The following IQCM variants were observed in gnomAD, a reference collection of about 807,000 sequenced individuals.
IQCM encodes the protein IQ domain-containing protein M.
Under a neutral mutation model 57.6 loss-of-function variants are expected in IQCM, and 45 were observed. The observed-to-expected ratio is 0.78, with a 90% CI of 0.62 to 1.00. The LOEUF (loss-of-function observed/expected upper bound fraction) is 1.00, where lower values mean the gene tolerates loss of function less well. IQCM is among the 50% of genes least tolerant of loss of function. IQCM has a pLI of 0.00. For missense variants in IQCM, 468 were observed against 511.6 expected (o/e 0.91, Z 0.82); for synonymous variants, 148 against 158.9 (o/e 0.93, Z 0.51).
At chr4:149,726,705 A>C (rs927404779) in intron 5 of IQCM, among the ~76,000 whole-genome samples, 4 of 152,214 alleles carry the variant, frequency 2.6e-5, no homozygotes, top group African/African-American at 9.6e-5. Context: ...AAGCATCACT[A>C]TAAGTAAAAT....
In IQCM at chr4:149,785,122, G is replaced by A. The variant is rs144407936; in HGVS notation, c.-49+30189C>T. On this transcript the variant is annotated intron_variant, in intron 2 of 13. Transcript: ENST00000636793. ...AGATGCTAACTTCCTGATTCCTTAC[G>A]ATCTAGGCAGGAAAAATAATAACTT... Among the ~76,000 whole-genome samples the A allele has an allele frequency of 5.3e-5, 8 of 152,230 alleles. No individual in the cohort carries two copies. The East Asian group carries it at 1.2e-3, about 22-fold the overall frequency.
chr4:149,486,609 G>A (rs1274776011), intron 12 of IQCM, among the ~76,000 whole-genome samples: 1 of 152,140 alleles, frequency 6.6e-6, no homozygotes, highest in Non-Finnish European at 1.5e-5. Flanking sequence ...AGCCAGGTGT[G>A]GTGGTGTGCA....
intron 5 of IQCM, among the ~76,000 whole-genome samples, chr4:149,692,517 C>G (rs955454088): frequency 6.6e-6 from 1 of 152,010 alleles, no homozygotes; most frequent in Non-Finnish European, 1.5e-5. Flanking sequence ...CTGTTAAATA[C>G]TTTGGGTATA....
intron 13 of IQCM, among the ~76,000 whole-genome samples, chr4:149,364,244 T>G (rs1240098205): frequency 6.6e-6 from 1 of 152,164 alleles, no homozygotes; most frequent in Non-Finnish European, 1.5e-5. Flanking sequence ...CATATTGTTT[T>G]GGGGAAAATC....
chr4:149,699,881 C>T lies in IQCM; in HGVS notation c.386-13413G>A, dbSNP rs550604978. Among the ~76,000 whole-genome samples the T allele has an allele frequency of 5.2e-4, 79 of 151,910 alleles. 2 individuals carry two copies. Among genetic ancestry groups the T allele is most frequent in the African/African-American group, 1.8e-3 (75 of 41,470 alleles). ...TTTGCATTTACAAAGCACTTGCTTTCCCTCCCCTTCTGTCTTTCCCTCTAT... is the reference window on the plus strand; with the variant it reads ...TTTGCATTTACAAAGCACTTGCTTTTCCTCCCCTTCTGTCTTTCCCTCTAT... On this transcript the variant is annotated intron_variant, in intron 5 of 13. Coordinates refer to ENST00000636793, the MANE Select transcript of IQCM (RefSeq NM_001363507.2).
intron 8 of IQCM, among the ~76,000 whole-genome samples, chr4:149,594,619 T>G (rs1579626122): frequency 6.6e-6 from 1 of 152,228 alleles, no homozygotes; most frequent in South Asian, 2.1e-4. Context: ...CTCTACAAAC[T>G]GCTTTAAATG....
intron 9 of IQCM, among the ~76,000 whole-genome samples, chr4:149,576,278 A>G (rs1751640625): frequency 6.6e-6 from 1 of 151,230 alleles, no homozygotes; most frequent in Non-Finnish European, 1.5e-5. Flanking sequence ...CCCAAAAAGT[A>G]GTTTTTTGAT....
chr4:149,474,075 G>A (rs1739901583), intron 12 of IQCM, among the ~76,000 whole-genome samples: 1 of 151,672 alleles, frequency 6.6e-6, no homozygotes, highest in South Asian at 2.1e-4. Context: ...GTATACATAT[G>A]TAACAAACCT....
At chr4:149,477,036 C>G (rs745502216) in intron 12 of IQCM, among the ~76,000 whole-genome samples, 4 of 152,174 alleles carry the variant, frequency 2.6e-5, no homozygotes, top group Non-Finnish European at 5.9e-5. Flanking sequence ...ACGCCATCAG[C>G]ACTGTCCTGT....
chr4:149,798,579 A>G (rs544887238), intron 2 of IQCM, among the ~76,000 whole-genome samples: 1 of 151,980 alleles, frequency 6.6e-6, no homozygotes, highest in Non-Finnish European at 1.5e-5. Context: ...AATAAGACCC[A>G]TTATCTGTTG....
intron 12 of IQCM, among the ~76,000 whole-genome samples, chr4:149,536,187 G>T (rs1747271847): frequency 6.6e-6 from 1 of 152,024 alleles, no homozygotes; most frequent in Non-Finnish European, 1.5e-5. Context: ...AATCTAATTT[G>T]CATTGTATAT....
intron 10 of IQCM, among the ~76,000 whole-genome samples, chr4:149,556,346 G>A (rs953568069): frequency 4.7e-5 from 7 of 149,192 alleles, no homozygotes; most frequent in East Asian, 2.0e-4. Context: ...GGAGAATTCC[G>A]CCATCACATG....
chr4:149,734,091 G>A (rs1265106346), intron 4 of IQCM, among the ~76,000 whole-genome samples: 1 of 151,950 alleles, frequency 6.6e-6, no homozygotes, highest in African/African-American at 2.4e-5. Flanking sequence ...CCAGGTCTCT[G>A]ACAGGTAATT....
At chr4:149,685,885 CA>C (rs1359242852) in intron 6 of IQCM, among the ~76,000 whole-genome samples, 1 of 151,402 alleles carries the variant, frequency 6.6e-6, no homozygotes, top group Non-Finnish European at 1.5e-5. Context: ...GGAACTGACC[CA>C]TCTCCAGACA....
chr4:149,415,516 C>T (rs899118221), intron 13 of IQCM, among the ~76,000 whole-genome samples: 2 of 152,104 alleles, frequency 1.3e-5, no homozygotes, highest in African/African-American at 4.8e-5. Flanking sequence ...GCAGGAACAT[C>T]CTTGCTAGAA....
At chr4:149,739,467 ATT>A (rs5862894) in intron 3 of IQCM, among the ~76,000 whole-genome samples, 3,791 of 124,892 alleles carry the variant, frequency 0.03, 63 homozygotes, top group African/African-American at 0.062. Flanking sequence ...TGTTTATATA[ATT>A]TTTTTTTTTT....
intron 7 of IQCM, among the ~76,000 whole-genome samples, chr4:149,633,589 C>A (rs1287719209): frequency 6.6e-6 from 1 of 152,116 alleles, no homozygotes; most frequent in African/African-American, 2.4e-5. Flanking sequence ...TAATGTGGTT[C>A]TTTTGAGAAA....
chr4:149,395,421 T>C (rs1390880796), intron 13 of IQCM, among the ~76,000 whole-genome samples: 1 of 152,040 alleles, frequency 6.6e-6, no homozygotes, highest in Non-Finnish European at 1.5e-5. Flanking sequence ...GGTATGTGGA[T>C]TAATAGACTC....
rs540831271 is a variant in IQCM, at chr4:149,429,622, T to G, written c.1390+3774A>C. Reference sequence around the variant, plus strand: ...TTCTTGCTGTTGATAGATCTCTGAATTTACAGAGTGAAATCAATAAACAGG... The same window carrying G: ...TTCTTGCTGTTGATAGATCTCTGAAGTTACAGAGTGAAATCAATAAACAGG... On this transcript the variant is annotated intron_variant, in intron 13 of 13. Coordinates refer to ENST00000636793, the MANE Select transcript of IQCM (RefSeq NM_001363507.2). 9.7e-4 allele frequency among the ~76,000 whole-genome samples: 148 copies of G among 152,042 alleles called. 5 individuals are homozygous for G. In the South Asian group the frequency reaches 0.029, roughly 30 times the overall value.
Sources: gnomAD v4.1 joint callset for allele counts (sites outside exome capture counted in the v4.1 genomes callset) on GRCh38, gnomAD v4.1.1 for gene constraint, MANE v1.5 for transcripts, NCBI Gene and HGNC (gene_info 2026-07-23, HGNC 2026-07-21) for gene names.